TMEM161B: variants seen among roughly 807,000 people sequenced by gnomAD.
TMEM161B encodes transmembrane protein 161B.
A neutral mutation model predicts 61.8 loss-of-function variants in TMEM161B; 34 were observed. That is an observed-to-expected ratio of 0.55 (90% CI 0.42 to 0.73). The LOEUF (loss-of-function observed/expected upper bound fraction) is 0.73, where lower values mean the gene tolerates loss of function less well. Among genes scored for constraint, TMEM161B ranks in the 30% least tolerant of loss-of-function variants. The pLI is 0.00. For synonymous variants in TMEM161B, 167 were observed against 192.8 expected (o/e 0.87, Z 1.11); for missense variants, 456 against 558.5 (o/e 0.82, Z 1.85).
chr5:88,228,395 A>C (rs780929671), intron 3 of TMEM161B, 50 bp downstream of exon 3: 2 of 1,275,674 alleles, frequency 1.6e-6, no homozygotes, highest in Admixed American at 3.9e-5. Context: ...AAATGTATTT[A>C]TATAAATTGT....
chr5:88,198,138 C>G lies in TMEM161B; in HGVS notation c.1090-373G>C, dbSNP rs572582285. The G allele has an allele frequency of 9.6e-5, 15 of 155,936 alleles. No homozygotes were observed. The East Asian group carries it at 2.2e-3, about 23-fold the overall frequency. The allele number at this position is 155,936 out of a possible 1,614,324, so 9.7% of individuals were successfully genotyped here. ...AACTAAATAACAATAGTAGGCAGAG[C>G]CACATATGAGCATAAATCCCTCATA... is the stretch of plus-strand genomic sequence containing the variant. On this transcript the variant is annotated intron_variant, in intron 10 of 11. Transcript: ENST00000296595.
intron 1 of TMEM161B, among the ~76,000 whole-genome samples, chr5:88,248,506 G>A (rs1753909258): frequency 6.6e-6 from 1 of 151,974 alleles, no homozygotes; most frequent in East Asian, 1.9e-4. Context: ...ACAAAACAGA[G>A]CAGCAACTTT....
chr5:88,198,869 A>G, intron 10 of TMEM161B, 107 bp downstream of exon 10: 2 of 947,224 alleles, frequency 2.1e-6, no homozygotes, highest in East Asian at 2.7e-5. Flanking sequence ...TATTTATAAT[A>G]AGAATATGAT....
Position 88,265,041 on chromosome 5 carries a change from T to C in TMEM161B, c.3+3680A>G, listed in dbSNP as rs538352338. Among the ~76,000 whole-genome samples, 23 of 152,258 alleles carry C rather than the reference T, an allele frequency of 1.5e-4. No individual in the cohort carries two copies. The South Asian group carries it at 3.5e-3, about 23-fold the overall frequency. Reference sequence around the variant, plus strand: ...AATCCAGCAAAACCACCATGGCACATGTATACCTATGTAACAAACCTGTAT... The same window carrying C: ...AATCCAGCAAAACCACCATGGCACACGTATACCTATGTAACAAACCTGTAT... On this transcript the variant is annotated intron_variant, in intron 1 of 11. Coordinates refer to ENST00000296595, the MANE Select transcript of TMEM161B (RefSeq NM_153354.5).
At chr5:88,192,998 C>G (rs570260081), downstream of TMEM161B, among the ~76,000 whole-genome samples, 1 of 152,022 alleles carries the variant, frequency 6.6e-6, no homozygotes, top group South Asian at 2.1e-4. Context: ...GGAAGAAATG[C>G]CACTATTTTA....
intron 2 of TMEM161B, among the ~76,000 whole-genome samples, chr5:88,232,229 G>T (rs1483971198): frequency 6.6e-6 from 1 of 152,160 alleles, no homozygotes; most frequent in East Asian, 1.9e-4. Context: ...TGCCTTGTTA[G>T]ACCTCAACCA....
At chr5:88,255,522 A>C (rs569888928) in intron 1 of TMEM161B, among the ~76,000 whole-genome samples, 154 of 152,334 alleles carry the variant, frequency 1.0e-3, no homozygotes, top group Non-Finnish European at 1.6e-3. Context: ...AATTGCTAAT[A>C]CTTAATTGTC....
chr5:88,188,951 TA>T (rs1368882232), downstream of TMEM161B, among the ~76,000 whole-genome samples: 1 of 152,184 alleles, frequency 6.6e-6, no homozygotes, highest in African/African-American at 2.4e-5. Flanking sequence ...CAGGAGACAG[TA>T]AGAGAAATGG....
Position 88,209,204 on chromosome 5 carries a change from G to C in TMEM161B, c.447-2024C>G, listed in dbSNP as rs539504303. ...ATTATAAGGAAGAGCTTACATATTA[G>C]AAGAGGACAAAGAAAGATGAATATA... On this transcript the variant is annotated intron_variant, in intron 5 of 11. Coordinates refer to ENST00000296595, the MANE Select transcript of TMEM161B (RefSeq NM_153354.5). Among the ~76,000 whole-genome samples, 10 of 152,212 alleles carry C rather than the reference G, an allele frequency of 6.6e-5. 1 individual carries two copies. Among genetic ancestry groups the C allele is most frequent in the African/African-American group, 2.4e-4 (10 of 41,512 alleles).
downstream of TMEM161B, among the ~76,000 whole-genome samples, chr5:88,186,585 T>C (rs1748367157): frequency 6.6e-6 from 1 of 152,132 alleles, no homozygotes; most frequent in Non-Finnish European, 1.5e-5. Context: ...TATTTCCTTT[T>C]TTTGATGAGC....
At chr5:88,231,616 C>T (rs1025701424) in intron 2 of TMEM161B, among the ~76,000 whole-genome samples, 7 of 152,074 alleles carry the variant, frequency 4.6e-5, no homozygotes, top group African/African-American at 1.2e-4. Context: ...AATGAATTTA[C>T]GATAAAAAAT....
At chr5:88,260,218 A>T (rs1449238731) in intron 1 of TMEM161B, among the ~76,000 whole-genome samples, 1 of 152,232 alleles carries the variant, frequency 6.6e-6, no homozygotes, top group Non-Finnish European at 1.5e-5. Context: ...ACCCTCAAAA[A>T]TCTAATCCAA....
In TMEM161B at chr5:88,196,453, A is replaced by G. The variant is rs1167067578; in HGVS notation, c.1222T>C (p.Ser408Pro). ...AGACTATTATCCACTGGTAAGGTAG[A>G]GATAGATTCTGGATAAATACCCCAG... ...HSWGIYPESI[S>P]TLPVDNSLLS... The change falls in exon 12 of 12, where the codon TCT (serine) becomes CCT (proline). Residue 408 changes from serine (S) to proline (P), a missense_variant. Ser to Pro is a moderately conservative substitution (Grantham distance 74, BLOSUM62 -1). Around this residue, in one of 3 missense-constraint regions of TMEM161B, gnomAD observed 367 missense variants for 427.3 expected, o/e 0.86. Coordinates refer to ENST00000296595, the MANE Select transcript of TMEM161B (RefSeq NM_153354.5). The G allele has an allele frequency of 1.1e-5, 17 of 1,611,190 alleles. No individual in the cohort carries two copies. The highest frequency in any genetic ancestry group is 1.4e-5 in the Non-Finnish European group (17 of 1,178,700).
At chr5:88,231,586 C>T (rs755684915) in intron 2 of TMEM161B, among the ~76,000 whole-genome samples, 13 of 152,134 alleles carry the variant, frequency 8.5e-5, no homozygotes, top group African/African-American at 2.4e-4. Context: ...CTGAACCAAA[C>T]GGAATTCAGT....
chr5:88,230,261 T>G (rs145801630), intron 2 of TMEM161B, among the ~76,000 whole-genome samples: 14 of 152,218 alleles, frequency 9.2e-5, no homozygotes, highest in East Asian at 3.9e-4. Flanking sequence ...CACTGAATAT[T>G]TGATTACATT....
chr5:88,268,838 CCGGCTCTGCCGGA>C, exon 1 of TMEM161B: 1 of 1,559,440 alleles, frequency 6.4e-7, no homozygotes. Context: ...AGAGGGTCTT[CCGGCTCTGCCGGA>C]AGTTGTGCGC....
At chr5:88,187,755 G>A (rs771609371), downstream of TMEM161B, among the ~76,000 whole-genome samples, 6 of 103,812 alleles carry the variant, frequency 5.8e-5, no homozygotes, top group Non-Finnish European at 1.2e-4. Flanking sequence ...TAATCTTTTG[G>A]AACAATCGTT....
chr5:88,190,113 C>T (rs1748638269), downstream of TMEM161B: 3 of 700,782 alleles, frequency 4.3e-6, no homozygotes, highest in Non-Finnish European at 5.2e-6. Context: ...AGCCTCCACC[C>T]ACCCAGAGAA....
Position 88,196,021 on chromosome 5 carries a change from A to AT in TMEM161B, c.*189dup. Reference sequence around the variant, plus strand: ...GCCACAGTGTAACAGTTAACAATCTATTTTGTAATTTTAAATATTACTACA... The same window carrying AT: ...GCCACAGTGTAACAGTTAACAATCTATTTTTGTAATTTTAAATATTACTACA... On this transcript the variant is annotated 3_prime_UTR_variant, in exon 12 of 12. Transcript: ENST00000296595. The AT allele has an allele frequency of 7.3e-7, 1 of 1,377,136 alleles. No homozygotes were observed. The highest frequency in any genetic ancestry group is 1.5e-5 in the African/African-American group (1 of 67,936). 85.3% of individuals were successfully genotyped at this position (1,377,136 alleles called of 1,614,324 possible). A position where few individuals can be genotyped will look rare whatever the true frequency, so the allele number is the denominator to read the frequency against.
Sources: allele counts gnomAD v4.1 joint callset (sites outside exome capture counted in the v4.1 genomes callset), GRCh38; gene constraint gnomAD v4.1.1; regional missense constraint gnomAD v4.1.1; transcripts MANE v1.5; gene names NCBI Gene and HGNC (gene_info 2026-07-23, HGNC 2026-07-21).